Variants in FGL1 observed in about 807,000 individuals in gnomAD.
FGL1 encodes fibrinogen like 1.
FGL1 carries 59 observed loss-of-function variants against 43.7 expected under a neutral mutation model. The observed-to-expected ratio is 1.35, with a 90% confidence interval of 1.10 to 1.68. The LOEUF (loss-of-function observed/expected upper bound fraction) is 1.68. Ranked by LOEUF, FGL1 falls within the 40% of genes most tolerant of loss-of-function variation. FGL1 has a pLI of 0.00. For synonymous variants in FGL1, 192 were observed against 126.5 expected (o/e 1.52, Z -3.48); for missense variants, 596 against 373.0 (o/e 1.60, Z -4.92).
intron 3 of FGL1, 149 bp downstream of exon 3, chr8:17,881,849 AG>A (rs1473352160): frequency 1.1e-5 from 7 of 652,312 alleles, no homozygotes; most frequent in South Asian, 5.1e-5. Context: ...AAAAAAAAAA[AG>A]TAAAGTGTGA....
In FGL1 at chr8:17,894,368, G is replaced by T. The variant is rs189806636; in HGVS notation, c.-18+1079C>A. ...GTTAAAAATGTACCCATAAACACAA[G>T]CTTAGAGACTCCTTTTAAGCTATTT... On this transcript the variant is annotated intron_variant, in intron 1 of 7. Transcript: ENST00000427924. Among the ~76,000 whole-genome samples, 12 of 147,036 alleles carry T rather than the reference G, an allele frequency of 8.2e-5. 1 individual carries two copies. The highest frequency in any genetic ancestry group is 4.7e-4 in the Admixed American group (7 of 15,028).
At chr8:17,874,568 T>TC in intron 3 of FGL1, 47 bp from the exon 4 acceptor site, 1 of 1,514,960 alleles carries the variant, frequency 6.6e-7, no homozygotes, top group Non-Finnish European at 9.0e-7. Flanking sequence ...TGTCTTTTTC[T>TC]CCCCCCGCCT....
At chr8:17,868,487 T>A in intron 7 of FGL1, 61 bp downstream of exon 7, 1 of 1,246,940 alleles carries the variant, frequency 8.0e-7, no homozygotes, top group South Asian at 1.7e-5. Flanking sequence ...ATATTGATAA[T>A]TAATGTCTAT....
At chr8:17,883,383 C>A (rs1459905880) in intron 2 of FGL1, among the ~76,000 whole-genome samples, 12 of 29,014 alleles carry the variant, frequency 4.1e-4, no homozygotes, top group Admixed American at 7.3e-4. Context: ...AAATAATATA[C>A]AATATAATAA....
chr8:17,893,356 C>T (rs188206552), intron 1 of FGL1, among the ~76,000 whole-genome samples: 85 of 151,584 alleles, frequency 5.6e-4, no homozygotes, highest in Non-Finnish European at 8.7e-4. Context: ...ATTTTACCTA[C>T]GCACACTGTA....
intron 5 of FGL1, among the ~76,000 whole-genome samples, chr8:17,873,305 G>A (rs977702676): frequency 1.3e-5 from 2 of 152,122 alleles, no homozygotes; most frequent in Non-Finnish European, 2.9e-5. Flanking sequence ...AACCCTGCCT[G>A]TGCTACAAAA....
In FGL1 at chr8:17,869,006, T is replaced by C. The variant is rs1472844998; in HGVS notation, c.503-2A>G. On this transcript the variant is annotated splice_acceptor_variant, in intron 5 of 7. Transcript: ENST00000427924. LOFTEE classifies it high-confidence loss of function. ...GGTCGATTTTTAAAGTGTAGTCTTC[T>C]AAAAAAGAAACAAGCAATTATAATT... 2 of 1,577,510 alleles carry C rather than the reference T, an allele frequency of 1.3e-6. No individual in the cohort carries two copies. Among genetic ancestry groups the C allele is most frequent in the African/African-American group, 1.4e-5 (1 of 73,434 alleles).
chr8:17,885,747 G>C (rs369898), intron 1 of FGL1, 176 bp from the exon 2 acceptor site: 394,334 of 570,330 alleles, frequency 0.69, 139,604 homozygotes, highest in African/African-American at 0.77. Flanking sequence ...GAATGACACT[G>C]AGTGTTAACT....
intron 3 of FGL1, among the ~76,000 whole-genome samples, chr8:17,878,160 C>T (rs973394022): frequency 4.6e-5 from 7 of 152,016 alleles, no homozygotes; most frequent in Admixed American, 2.6e-4. Context: ...CTATGTTGCC[C>T]AGGCTGTTCT....
At chr8:17,881,901 G>C in intron 3 of FGL1, 98 bp downstream of exon 3, 1 of 954,536 alleles carries the variant, frequency 1.0e-6, no homozygotes, top group Non-Finnish European at 1.6e-6. Context: ...CATATTGCTT[G>C]TTACTGAAAT....
At position 17,868,985 on chromosome 8, in the gene FGL1, G is replaced by T; in HGVS notation, c.522C>A (p.Ile174=). Residue 174 remains isoleucine, a synonymous_variant, in exon 6 of 8, where the codon ATC becomes ATA. Transcript: ENST00000427924. ...TATTTTTTTCAAAATCTGCAAGGTC[G>T]ATTTTTAAAGTGTAGTCTTCTAAAA... The part of the protein sequence containing the change: ...LTTQEDYTLK[I]DLADFEKNSR... 2 of 1,600,624 alleles carry T rather than the reference G, an allele frequency of 1.2e-6. No individual in the cohort carries two copies. Among genetic ancestry groups the T allele is most frequent in the Non-Finnish European group, 8.5e-7 (1 of 1,174,124 alleles).
chr8:17,885,628 A>C, intron 1 of FGL1, 57 bp from the exon 2 acceptor site: 2 of 1,478,224 alleles, frequency 1.4e-6, no homozygotes, highest in Middle Eastern at 1.7e-4. Flanking sequence ...TCATGAGACC[A>C]GAGTTCAGAC....
At position 17,868,328 on chromosome 8, in the gene FGL1, G is replaced by C. The variant is rs115215354; in HGVS notation, c.779+220C>G. 3.0e-3 allele frequency: 1,069 copies of C among 354,210 alleles called. 11 individuals are homozygous for C. Among genetic ancestry groups the C allele is most frequent in the African/African-American group, 0.021 (993 of 47,700 alleles). The allele number at this position is 354,210 out of a possible 1,614,324, so 21.9% of individuals were successfully genotyped here. On this transcript the variant is annotated intron_variant, in intron 7 of 7. Coordinates refer to ENST00000427924, the MANE Select transcript of FGL1 (RefSeq NM_004467.4). Reference sequence around the variant, plus strand: ...CAGTTTGCAAATGATCTTTGTAAAAGTAATAATTTATTTCTATGACATTTA... The same window carrying C: ...CAGTTTGCAAATGATCTTTGTAAAACTAATAATTTATTTCTATGACATTTA...
At chr8:17,871,522 T>G (rs1035998565) in intron 5 of FGL1, among the ~76,000 whole-genome samples, 2 of 151,818 alleles carry the variant, frequency 1.3e-5, no homozygotes, top group Admixed American at 6.6e-5. Context: ...AAAACTTCTA[T>G]TATAACAGAG....
intron 2 of FGL1, among the ~76,000 whole-genome samples, chr8:17,883,530 G>T (rs187151409): frequency 0.038 from 4,994 of 130,748 alleles, 378 homozygotes; most frequent in African/African-American, 0.14. Flanking sequence ...TAATATAATT[G>T]TATTTATTAT....
chr8:17,872,625 G>A (rs957377807), intron 5 of FGL1, among the ~76,000 whole-genome samples: 1 of 152,068 alleles, frequency 6.6e-6, no homozygotes, highest in African/African-American at 2.4e-5. Context: ...TGCAATTGCA[G>A]TGTAACTTAG....
Position 17,864,540 on chromosome 8 carries a change from A to G in FGL1, c.*52T>C. On this transcript the variant is annotated 3_prime_UTR_variant, in exon 8 of 8. Coordinates refer to ENST00000427924, the MANE Select transcript of FGL1 (RefSeq NM_004467.4). ...GATATGTTCAGAATGAGTATTTTTC[A>G]AATCACTTTAAACAAAGCTGAATTG... 6.5e-7 allele frequency: 1 copy of G among 1,550,046 alleles called. No homozygotes were observed. Among genetic ancestry groups the G allele is most frequent in the Non-Finnish European group, 8.7e-7 (1 of 1,149,716 alleles).
intron 3 of FGL1, among the ~76,000 whole-genome samples, chr8:17,880,369 A>G (rs369701052): frequency 2.3e-4 from 35 of 152,372 alleles, no homozygotes; most frequent in African/African-American, 7.2e-4. Flanking sequence ...TTATGGAAGC[A>G]TAGACTCTCA....
At chr8:17,885,760 A>C in intron 1 of FGL1, 189 bp from the exon 2 acceptor site, 1 of 528,412 alleles carries the variant, frequency 1.9e-6, no homozygotes, top group East Asian at 3.0e-5. Flanking sequence ...TGTTAACTAG[A>C]ATTGAATCTG....
Sources: allele counts gnomAD v4.1 joint callset (sites outside exome capture counted in the v4.1 genomes callset), GRCh38; gene constraint gnomAD v4.1.1; transcripts MANE v1.5; gene names NCBI Gene and HGNC (gene_info 2026-07-23, HGNC 2026-07-21).